Variants in GPM6A observed in about 807,000 individuals in gnomAD.
The protein encoded by GPM6A is glycoprotein M6A.
GPM6A carries 7 observed loss-of-function variants against 32.1 expected under a neutral mutation model. The observed-to-expected ratio is 0.22, with a 90% confidence interval of 0.12 to 0.41. The LOEUF is 0.41. Among genes scored for constraint, GPM6A ranks in the 10% least tolerant of loss-of-function variants. GPM6A has a pLI of 1.00. For synonymous variants in GPM6A, 130 were observed against 123.4 expected (o/e 1.05, Z -0.35); for missense variants, 235 against 347.2 (o/e 0.68, Z 2.57).
intron 1 of GPM6A, among the ~76,000 whole-genome samples, chr4:175,886,248 T>G (rs762485824): frequency 6.6e-6 from 1 of 152,074 alleles, no homozygotes; most frequent in Non-Finnish European, 1.5e-5. Context: ...CAAAACGACC[T>G]TAAAAGCAAC....
At chr4:175,757,735 A>C (rs1172903284) in intron 1 of GPM6A, among the ~76,000 whole-genome samples, 1 of 152,166 alleles carries the variant, frequency 6.6e-6, no homozygotes, top group East Asian at 1.9e-4. Context: ...TATCTGAGAG[A>C]ATCATATGCT....
intron 1 of GPM6A, chr4:175,960,602 G>A (rs1740134484): frequency 6.6e-6 from 1 of 152,138 alleles, no homozygotes; most frequent in Non-Finnish European, 1.5e-5. Flanking sequence ...CCAACCCTGT[G>A]TGTGTTGTTC....
intron 2 of GPM6A, among the ~76,000 whole-genome samples, chr4:175,684,989 G>A (rs900582194): frequency 6.6e-6 from 1 of 151,962 alleles, no homozygotes; most frequent in East Asian, 1.9e-4. Flanking sequence ...CCAGGTTCAC[G>A]CCATTCTCCT....
At chr4:175,953,920 ATAAC>A (rs1739900417) in intron 1 of GPM6A, among the ~76,000 whole-genome samples, 1 of 152,168 alleles carries the variant, frequency 6.6e-6, no homozygotes, top group African/African-American at 2.4e-5. Flanking sequence ...ATAAAATAAA[ATAAC>A]TACCATGGGA....
intron 2 of GPM6A, among the ~76,000 whole-genome samples, chr4:175,682,615 T>C (rs552490524): frequency 6.6e-6 from 1 of 152,206 alleles, no homozygotes; most frequent in South Asian, 2.1e-4. Flanking sequence ...GGCCCCACTA[T>C]CCTATGCAGC....
At chr4:175,817,364 T>C (rs746992085) in intron 1 of GPM6A, among the ~76,000 whole-genome samples, 1 of 152,208 alleles carries the variant, frequency 6.6e-6, no homozygotes, top group Non-Finnish European at 1.5e-5. Context: ...TTACAGGAAA[T>C]TGATGTAGGC....
chr4:175,679,600 T>C (rs1221410840), intron 2 of GPM6A, among the ~76,000 whole-genome samples: 1 of 152,132 alleles, frequency 6.6e-6, no homozygotes, highest in Non-Finnish European at 1.5e-5. Flanking sequence ...GTTTGCAAAA[T>C]GATGATTTCC....
intron 1 of GPM6A, among the ~76,000 whole-genome samples, chr4:175,990,454 T>C (rs983905329): frequency 2.0e-5 from 3 of 152,176 alleles, no homozygotes; most frequent in Non-Finnish European, 4.4e-5. Context: ...GTGTGCAAGT[T>C]TTTATCTCCA....
intron 1 of GPM6A, among the ~76,000 whole-genome samples, chr4:175,865,049 G>A (rs1038420174): frequency 1.3e-5 from 2 of 152,076 alleles, no homozygotes; most frequent in Admixed American, 6.5e-5. Flanking sequence ...GACCTCAAAT[G>A]AGCCACCTGC....
chr4:175,929,139 A>G (rs1414574467), intron 1 of GPM6A, among the ~76,000 whole-genome samples: 1 of 152,254 alleles, frequency 6.6e-6, no homozygotes, highest in Non-Finnish European at 1.5e-5. Context: ...AAGTTTTAAA[A>G]GCTCAGAAAA....
At chr4:175,733,118 C>A (rs978747597) in intron 1 of GPM6A, among the ~76,000 whole-genome samples, 1 of 152,110 alleles carries the variant, frequency 6.6e-6, no homozygotes, top group Admixed American at 6.5e-5. Context: ...TACAAAATCA[C>A]TGTTTTTTTT....
chr4:175,853,323 T>C (rs1736318250), intron 1 of GPM6A, among the ~76,000 whole-genome samples: 1 of 151,964 alleles, frequency 6.6e-6, no homozygotes, highest in South Asian at 2.1e-4. Flanking sequence ...TTTAATAAAA[T>C]ACTCTAGAGC....
intron 1 of GPM6A, among the ~76,000 whole-genome samples, chr4:175,727,391 T>C (rs1377178272): frequency 6.6e-6 from 1 of 152,104 alleles, no homozygotes; most frequent in Non-Finnish European, 1.5e-5. Flanking sequence ...TGGAAAAAAA[T>C]ACTAAATTTA....
chr4:175,993,495 C>T (rs533781992), intron 1 of GPM6A, among the ~76,000 whole-genome samples: 1 of 152,096 alleles, frequency 6.6e-6, no homozygotes, highest in East Asian at 1.9e-4. Flanking sequence ...TTCACAAGGG[C>T]CTTTGGTCTA....
intron 1 of GPM6A, among the ~76,000 whole-genome samples, chr4:175,925,886 C>T (rs755153735): frequency 2.9e-4 from 38 of 130,522 alleles, no homozygotes; most frequent in Non-Finnish European, 5.0e-4. Context: ...GAGTCTCATT[C>T]TGTCATCCAG....
At chr4:175,911,700 AG>A (rs1027422437) in intron 1 of GPM6A, among the ~76,000 whole-genome samples, 2 of 152,216 alleles carry the variant, frequency 1.3e-5, no homozygotes, top group African/African-American at 4.8e-5. Context: ...GAAATTAATT[AG>A]AAGGTTCTTA....
intron 2 of GPM6A, among the ~76,000 whole-genome samples, chr4:175,693,990 C>T (rs1178223280): frequency 1.3e-5 from 2 of 152,226 alleles, no homozygotes; most frequent in Admixed American, 6.5e-5. Flanking sequence ...CCCCTACTCT[C>T]TCTTGCTCCT....
chr4:175,847,632 G>A (rs1013089725), intron 1 of GPM6A, among the ~76,000 whole-genome samples: 11 of 152,116 alleles, frequency 7.2e-5, no homozygotes, highest in East Asian at 1.9e-4. Context: ...ATTTGGATAC[G>A]CCAAAGAGAA....
intron 1 of GPM6A, among the ~76,000 whole-genome samples, chr4:175,937,307 T>C (rs1739272043): frequency 6.6e-6 from 1 of 152,150 alleles, no homozygotes; most frequent in Admixed American, 6.5e-5. Flanking sequence ...TGCCCCTCAA[T>C]TAAATACACT....
Sources: gnomAD v4.1 joint callset for allele counts (sites outside exome capture counted in the v4.1 genomes callset) on GRCh38, gnomAD v4.1.1 for gene constraint, MANE v1.5 for transcripts, NCBI Gene and HGNC (gene_info 2026-07-23, HGNC 2026-07-21) for gene names.